The following TIMM9 variants were observed in gnomAD, a reference collection of about 807,000 sequenced individuals.
The protein encoded by TIMM9 is translocase of inner mitochondrial membrane 9.
In TIMM9, 10 loss-of-function variants were observed where a neutral mutation model predicts 13.4. That is an observed-to-expected ratio of 0.75 (90% CI 0.46 to 1.26). The LOEUF (loss-of-function observed/expected upper bound fraction) is 1.26, where lower values mean the gene tolerates loss of function less well. Ranked by LOEUF, TIMM9 falls within the 50% of genes most tolerant of loss-of-function variation. TIMM9 has a pLI of 0.00. For missense variants in TIMM9, 87 were observed against 100.8 expected (o/e 0.86, Z 0.58); for synonymous variants, 32 against 32.1 (o/e 1.00, Z 0.01).
chr14:58,424,999 C>T (rs751425949), intron 2 of TIMM9, among the ~76,000 whole-genome samples: 6 of 152,036 alleles, frequency 3.9e-5, no homozygotes, highest in Non-Finnish European at 8.8e-5. Flanking sequence ...TGATATGGCT[C>T]TAATCATGAG....
At position 58,414,576 on chromosome 14, in the gene TIMM9, G is replaced by A. The variant is rs765919744; in HGVS notation, c.-26-2605C>T. Among the ~76,000 whole-genome samples, 4 of 151,332 alleles carry A rather than the reference G, an allele frequency of 2.6e-5. No homozygotes were observed. The South Asian group carries it at 6.3e-4, about 24-fold the overall frequency. On this transcript the variant is annotated intron_variant, in intron 3 of 5. Coordinates refer to ENST00000395159, the MANE Select transcript of TIMM9 (RefSeq NM_012460.4). ...AGCATAGTGAAACCGCATCTCTACT[G>A]AAAATACAAAAATTAGCCGGGCATG...
chr14:58,410,283 G>A (rs554230134), intron 5 of TIMM9, among the ~76,000 whole-genome samples: 65 of 151,826 alleles, frequency 4.3e-4, no homozygotes, highest in Admixed American at 1.7e-3. Flanking sequence ...CCATGTTGCC[G>A]AGGCTGGTTT....
At chr14:58,419,699 A>T (rs548184513) in intron 3 of TIMM9, among the ~76,000 whole-genome samples, 10 of 152,130 alleles carry the variant, frequency 6.6e-5, no homozygotes, top group African/African-American at 2.2e-4. Flanking sequence ...TGAGGCCAGG[A>T]ATTTGAGACC....
At position 58,427,149 on chromosome 14, in the gene TIMM9, G is replaced by A. The variant is rs2036886557; in HGVS notation, c.-210C>T. ...AGGGAGGGTCAGGGTCTGGACAGGAGCCGCGGCCGCCAGATGGGAAAGAAC... is the reference window on the plus strand; with the variant it reads ...AGGGAGGGTCAGGGTCTGGACAGGAACCGCGGCCGCCAGATGGGAAAGAAC... On this transcript the variant is annotated 5_prime_UTR_variant, in exon 2 of 6. Coordinates refer to ENST00000395159, the MANE Select transcript of TIMM9 (RefSeq NM_012460.4). The A allele has an allele frequency of 5.8e-6, 1 of 172,670 alleles. No homozygotes were observed. Among genetic ancestry groups the A allele is most frequent in the South Asian group, 1.0e-4 (1 of 9,578 alleles). 10.7% of individuals were successfully genotyped at this position (172,670 alleles called of 1,614,324 possible).
At chr14:58,424,540 T>G (rs2036679520) in intron 2 of TIMM9, among the ~76,000 whole-genome samples, 1 of 152,228 alleles carries the variant, frequency 6.6e-6, no homozygotes, top group Non-Finnish European at 1.5e-5. Flanking sequence ...ACACATATCA[T>G]CTATCTAAAA....
At chr14:58,423,405 C>G (rs1359233845) in intron 3 of TIMM9, among the ~76,000 whole-genome samples, 3 of 149,872 alleles carry the variant, frequency 2.0e-5, no homozygotes, top group Non-Finnish European at 4.4e-5. Context: ...ATAATCGCAG[C>G]TACTCGGGAG....
At position 58,408,535 on chromosome 14, in the gene TIMM9, G is replaced by A. The variant is rs1390143518; in HGVS notation, c.*499C>T. The stretch of plus-strand genomic sequence containing the variant: ...TATTTTATGTATTCACCAGCAATTT[G>A]AGGCAGACATGAATGAACAGGACTG... On this transcript the variant is annotated 3_prime_UTR_variant, in exon 6 of 6. Coordinates refer to ENST00000395159, the MANE Select transcript of TIMM9 (RefSeq NM_012460.4). 6.2e-7 allele frequency: 1 copy of A among 1,613,664 alleles called. No homozygotes were observed. The highest frequency in any genetic ancestry group is 2.2e-5 in the East Asian group (1 of 44,874).
chr14:58,422,880 G>C (rs917166283), intron 3 of TIMM9, among the ~76,000 whole-genome samples: 1 of 151,956 alleles, frequency 6.6e-6, no homozygotes, highest in Non-Finnish European at 1.5e-5. Flanking sequence ...TGCAATTTCA[G>C]CTTACTACAT....
Position 58,408,529 on chromosome 14 carries a change from C to T in TIMM9, c.*505G>A, listed in dbSNP as rs762245145. ...AGTAACTATTTTATGTATTCACCAG[C>T]AATTTGAGGCAGACATGAATGAACA... is the stretch of plus-strand genomic sequence containing the variant. On this transcript the variant is annotated 3_prime_UTR_variant, in exon 6 of 6. Transcript: ENST00000395159. The T allele has an allele frequency of 1.2e-6, 2 of 1,613,372 alleles. No individual in the cohort carries two copies. The highest frequency in any genetic ancestry group is 2.2e-5 in the South Asian group (2 of 90,914).
rs548048621 is a variant in TIMM9, at chr14:58,412,079, T to C, written c.-26-108A>G. On this transcript the variant is annotated intron_variant, in intron 3 of 5. Transcript: ENST00000395159. ...GTATTTTATAAATCTGTGTATGTAA[T>C]TGTATGCCACCACCCCCAATTTCTC... 4.8e-5 allele frequency: 36 copies of C among 756,524 alleles called. No individual in the cohort carries two copies. In the African/African-American group the frequency reaches 5.8e-4, roughly 12 times the overall value. The allele number at this position is 756,524 out of a possible 1,614,324, so 46.9% of individuals were successfully genotyped here. A position where few individuals can be genotyped will look rare whatever the true frequency, so the allele number is the denominator to read the frequency against.
chr14:58,412,587 T>C (rs751176398), intron 3 of TIMM9, among the ~76,000 whole-genome samples: 2 of 152,064 alleles, frequency 1.3e-5, no homozygotes, highest in African/African-American at 4.8e-5. Context: ...ACCAAGATGG[T>C]GAAGTTTGGG....
At chr14:58,414,736 C>CAAAAAAAAAAA (rs35380721) in intron 3 of TIMM9, among the ~76,000 whole-genome samples, 8 of 117,218 alleles carry the variant, frequency 6.8e-5, no homozygotes, top group South Asian at 3.0e-4. Flanking sequence ...GACGCCATCT[C>CAAAAAAAAAAA]AAAAAAAAAA....
intron 3 of TIMM9, among the ~76,000 whole-genome samples, chr14:58,422,068 T>C (rs1401937226): frequency 6.6e-6 from 1 of 151,990 alleles, no homozygotes. Context: ...AAAATTCTTA[T>C]TTATTGACTT....
chr14:58,408,525 C>A lies in TIMM9; in HGVS notation c.*509G>T. 1 of 1,613,282 alleles carries A rather than the reference C, an allele frequency of 6.2e-7. No individual in the cohort carries two copies. The highest frequency in any genetic ancestry group is 8.5e-7 in the Non-Finnish European group (1 of 1,179,636). The stretch of plus-strand genomic sequence containing the variant: ...AGCAAGTAACTATTTTATGTATTCA[C>A]CAGCAATTTGAGGCAGACATGAATG... On this transcript the variant is annotated 3_prime_UTR_variant, in exon 6 of 6. Coordinates refer to ENST00000395159, the MANE Select transcript of TIMM9 (RefSeq NM_012460.4).
chr14:58,414,001 C>T (rs1186311985), intron 3 of TIMM9, among the ~76,000 whole-genome samples: 51 of 50,916 alleles, frequency 1.0e-3, no homozygotes, highest in Middle Eastern at 0.023. Context: ...AGTGAGATTC[C>T]GTCTCAGAAA....
chr14:58,414,679 G>A (rs1314365792), intron 3 of TIMM9, among the ~76,000 whole-genome samples: 2 of 148,584 alleles, frequency 1.3e-5, no homozygotes, highest in African/African-American at 2.5e-5. Context: ...GGAGGTTGCA[G>A]TGAGCCGAGA....
At chr14:58,415,944 A>G (rs954420423) in intron 3 of TIMM9, among the ~76,000 whole-genome samples, 1 of 152,004 alleles carries the variant, frequency 6.6e-6, no homozygotes, top group African/African-American at 2.4e-5. Flanking sequence ...GGCTGAGCGC[A>G]GTGCCTCACG....
At chr14:58,410,356 T>TA (rs761038432) in intron 5 of TIMM9, among the ~76,000 whole-genome samples, 2 of 152,150 alleles carry the variant, frequency 1.3e-5, no homozygotes, top group East Asian at 3.8e-4. Flanking sequence ...AGTTCAAAGT[T>TA]ACAGTGAGCT....
At chr14:58,410,074 TTTGTTG>T (rs766707637) in intron 5 of TIMM9, among the ~76,000 whole-genome samples, 5 of 151,638 alleles carry the variant, frequency 3.3e-5, no homozygotes, top group Non-Finnish European at 7.4e-5. Flanking sequence ...GCTGGTGCTT[TTTGTTG>T]TTGTTGTTGT....
Sources: allele counts gnomAD v4.1 joint callset (sites outside exome capture counted in the v4.1 genomes callset), GRCh38; gene constraint gnomAD v4.1.1; transcripts MANE v1.5; gene names NCBI Gene and HGNC (gene_info 2026-07-23, HGNC 2026-07-21).